FOXP1: variants seen among roughly 807,000 people sequenced by gnomAD.
FOXP1 encodes forkhead box P1.
A neutral mutation model predicts 98.2 loss-of-function variants in FOXP1; 15 were observed. That is an observed-to-expected ratio of 0.15 (90% CI 0.10 to 0.24). FOXP1 has a LOEUF of 0.24. FOXP1 is among the 10% of genes least tolerant of loss of function. FOXP1 has a pLI of 1.00. For missense variants in FOXP1, 633 were observed against 848.5 expected, an observed-to-expected ratio of 0.75 and a Z score of 3.15; for synonymous variants, 371 against 314.5, an observed-to-expected ratio of 1.18 and a Z score of -1.90.
chr3:71,240,224 T>C (rs1435918136), intron 5 of FOXP1, among the ~76,000 whole-genome samples: 1 of 152,272 alleles, frequency 6.6e-6, no homozygotes, highest in African/African-American at 2.4e-5. Context: ...TTACACCCAC[T>C]CAACTCCCAC....
intron 4 of FOXP1, among the ~76,000 whole-genome samples, chr3:71,339,201 G>A (rs1162588763): frequency 6.6e-6 from 1 of 152,240 alleles, no homozygotes; most frequent in Non-Finnish European, 1.5e-5. Context: ...CTGAGTTGAT[G>A]CCGCACACGG....
intron 12 of FOXP1, among the ~76,000 whole-genome samples, chr3:71,010,114 T>C (rs2043373242): frequency 6.6e-6 from 1 of 152,060 alleles, no homozygotes; most frequent in South Asian, 2.1e-4. Flanking sequence ...AAATCACATG[T>C]GCTGATACTG....
intron 6 of FOXP1, among the ~76,000 whole-genome samples, chr3:71,155,312 A>T (rs1168917416): frequency 6.6e-6 from 1 of 152,236 alleles, no homozygotes; most frequent in Non-Finnish European, 1.5e-5. Context: ...GTCCAAGAGC[A>T]ATATAATGTA....
intron 5 of FOXP1, among the ~76,000 whole-genome samples, chr3:71,291,713 T>C (rs1270019158): frequency 1.0e-4 from 2 of 19,476 alleles, no homozygotes; most frequent in African/African-American, 1.9e-4. Context: ...TTATTCTGTA[T>C]TTTTTTTTTT....
rs79450072 is a variant in FOXP1, at chr3:71,281,704, T to C, written c.-12+18116A>G. On this transcript the variant is annotated intron_variant, in intron 5 of 20. Coordinates refer to ENST00000649528, the MANE Select transcript of FOXP1 (RefSeq NM_001349338.3). ...GGAAAACCTGTTCACAGTACTTCAG[T>C]CCATGGTTTAAGTTCTGAAAAGCTC... Among the ~76,000 whole-genome samples, 1,606 of 152,318 alleles carry C rather than the reference T, an allele frequency of 0.011. 41 individuals are homozygous for C. The East Asian group carries it at 0.11, about 10-fold the overall frequency.
At chr3:71,197,822 C>T (rs985650256) in intron 6 of FOXP1, 2 of 1,505,668 alleles carry the variant, frequency 1.3e-6, no homozygotes, top group South Asian at 1.2e-5. Flanking sequence ...TTTCCTTCTT[C>T]ACAGGCTTAA....
Position 70,977,767 on chromosome 3 carries a change from G to A in FOXP1, c.1349-45C>T, listed in dbSNP as rs374992187. ...CTATTAATTATCACTTTTTCAAAAG[G>A]GGCTGGTCTACAAGAATTGCAGATT... On this transcript the variant is annotated intron_variant, in intron 15 of 20. Coordinates refer to ENST00000649528, the MANE Select transcript of FOXP1 (RefSeq NM_001349338.3). The A allele has an allele frequency of 3.7e-6, 6 of 1,611,302 alleles. No individual in the cohort carries two copies. In the African/African-American group the frequency reaches 8.0e-5, roughly 22 times the overall value.
intron 2 of FOXP1, chr3:71,542,199 A>C: frequency 2.6e-6 from 1 of 379,416 alleles, no homozygotes; most frequent in Non-Finnish European, 5.3e-6. Flanking sequence ...CATATGGCAC[A>C]TAAATTTTAC....
intron 14 of FOXP1, among the ~76,000 whole-genome samples, chr3:70,978,487 T>C (rs1003069943): frequency 8.5e-6 from 1 of 117,446 alleles, no homozygotes; most frequent in African/African-American, 3.2e-5. Context: ...GCAGAATTTC[T>C]GCAATATGCT....
At chr3:71,486,800 A>G (rs954600243) in intron 3 of FOXP1, among the ~76,000 whole-genome samples, 4 of 152,238 alleles carry the variant, frequency 2.6e-5, no homozygotes, top group African/African-American at 9.6e-5. Context: ...AACAGAAAAC[A>G]GAATATTTTC....
In FOXP1 at chr3:71,447,456, C is replaced by A. The variant is rs963407891; in HGVS notation, c.-168+45970G>T. On this transcript the variant is annotated intron_variant, in intron 3 of 20. Transcript: ENST00000649528. Reference sequence around the variant, plus strand: ...GAGTCAGATCTGAAAGGGCATCACTCCAGCTGGAAGGAAGTAGGTCAGTGG... The same window carrying A: ...GAGTCAGATCTGAAAGGGCATCACTACAGCTGGAAGGAAGTAGGTCAGTGG... Among the ~76,000 whole-genome samples the A allele has an allele frequency of 5.3e-5, 8 of 152,330 alleles. 1 individual carries two copies.
chr3:71,525,794 G>T (rs1410337526), intron 2 of FOXP1, among the ~76,000 whole-genome samples: 1 of 151,872 alleles, frequency 6.6e-6, no homozygotes, highest in African/African-American at 2.4e-5. Context: ...TAAAAAATCA[G>T]GTAATATAAA....
intron 1 of FOXP1, among the ~76,000 whole-genome samples, chr3:71,583,274 C>G (rs972939983): frequency 6.6e-6 from 1 of 152,058 alleles, no homozygotes; most frequent in Non-Finnish European, 1.5e-5. Context: ...GCAAATAAAC[C>G]CAAAGGGTGC....
chr3:71,124,030 T>A (rs1385267132), intron 6 of FOXP1, among the ~76,000 whole-genome samples: 1 of 151,998 alleles, frequency 6.6e-6, no homozygotes, highest in African/African-American at 2.4e-5. Context: ...GGTACTATGC[T>A]CGGTACCTGG....
intron 2 of FOXP1, among the ~76,000 whole-genome samples, chr3:71,536,274 A>T (rs1292902430): frequency 6.6e-6 from 1 of 152,132 alleles, no homozygotes; most frequent in Non-Finnish European, 1.5e-5. Flanking sequence ...GCCAAAGAAG[A>T]AGTTTCTGAA....
At chr3:71,521,863 C>T (rs2043017634) in intron 2 of FOXP1, among the ~76,000 whole-genome samples, 1 of 152,110 alleles carries the variant, frequency 6.6e-6, no homozygotes, top group African/African-American at 2.4e-5. Context: ...GCAGGGGGAA[C>T]TGCTCATGGA....
At chr3:71,329,510 C>T (rs71298381) in intron 4 of FOXP1, among the ~76,000 whole-genome samples, 35 of 151,476 alleles carry the variant, frequency 2.3e-4, no homozygotes, top group African/African-American at 4.6e-4. Context: ...TAAGCCACCG[C>T]GCCCGGCCAC....
At chr3:71,472,141 G>A (rs1001321501) in intron 3 of FOXP1, among the ~76,000 whole-genome samples, 1 of 152,112 alleles carries the variant, frequency 6.6e-6, no homozygotes, top group Non-Finnish European at 1.5e-5. Context: ...TGTTGGGGGA[G>A]GAGTTATAAG....
intron 5 of FOXP1, among the ~76,000 whole-genome samples, chr3:71,282,441 A>C (rs1251872530): frequency 6.6e-6 from 1 of 152,106 alleles, no homozygotes; most frequent in Non-Finnish European, 1.5e-5. Context: ...TTGAGAACTT[A>C]CTACATTCCA....
Sources: allele counts gnomAD v4.1 joint callset (sites outside exome capture counted in the v4.1 genomes callset), GRCh38; gene constraint gnomAD v4.1.1; transcripts MANE v1.5; gene names NCBI Gene and HGNC (gene_info 2026-07-23, HGNC 2026-07-21).